PPP1R9A: variants seen among roughly 807,000 people sequenced by gnomAD.
PPP1R9A encodes the protein neurabin-1.
A neutral mutation model predicts 141.9 loss-of-function variants in PPP1R9A; 59 were observed. The observed-to-expected ratio is 0.42, with a 90% CI of 0.34 to 0.52. The LOEUF (loss-of-function observed/expected upper bound fraction) is 0.52. Ranked by LOEUF, PPP1R9A falls within the 20% of genes least tolerant of loss-of-function variation. The pLI is 0.10. For synonymous variants in PPP1R9A, 500 were observed against 569.7 expected (o/e 0.88, Z 1.74); for missense variants, 1,444 against 1,611.9 (o/e 0.90, Z 1.78).
chr7:95,290,212 T>C lies in PPP1R9A; in HGVS notation c.4034T>C (p.Leu1345Pro). The change falls in exon 20 of 20, where the codon CTA becomes CCA. Residue 1345 changes from leucine to proline, a missense_variant. Coordinates refer to ENST00000433360, the MANE Select transcript of PPP1R9A (RefSeq NM_001166160.2). The part of the protein sequence containing the change: ...QEKMEKQREK[L>P]RRKEQEQMQR... Reference sequence around the variant, plus strand: ...AAAATGGAAAAACAAAGAGAAAAGCTAAGGAGAAAGGAGCAAGAGCAAATG... The same window carrying C: ...AAAATGGAAAAACAAAGAGAAAAGCCAAGGAGAAAGGAGCAAGAGCAAATG... 1.2e-6 allele frequency: 2 copies of C among 1,613,440 alleles called. No individual in the cohort carries two copies. Among genetic ancestry groups the C allele is most frequent in the Non-Finnish European group, 1.7e-6 (2 of 1,179,766 alleles).
At chr7:95,121,552 T>G (rs1280003697) in intron 4 of PPP1R9A, among the ~76,000 whole-genome samples, 1 of 152,126 alleles carries the variant, frequency 6.6e-6, no homozygotes, top group Non-Finnish European at 1.5e-5. Context: ...GGCTCTGATA[T>G]ATCAGGTTGA....
At chr7:95,224,835 C>T (rs934516689) in intron 7 of PPP1R9A, among the ~76,000 whole-genome samples, 11 of 151,920 alleles carry the variant, frequency 7.2e-5, no homozygotes, top group Non-Finnish European at 1.2e-4. Context: ...TTCAGTACAC[C>T]GTTCATGGAA....
intron 4 of PPP1R9A, among the ~76,000 whole-genome samples, chr7:95,135,231 C>T (rs1213767476): frequency 2.6e-5 from 4 of 152,126 alleles, no homozygotes; most frequent in Non-Finnish European, 5.9e-5. Flanking sequence ...TGTATGGTAT[C>T]CTTAAACAGA....
chr7:94,944,855 T>TA (rs1163751879), intron 2 of PPP1R9A, among the ~76,000 whole-genome samples: 3 of 150,930 alleles, frequency 2.0e-5, no homozygotes, highest in South Asian at 2.1e-4. Context: ...TTCCAAGGAT[T>TA]AAAAAAAAAT....
At chr7:95,007,603 T>C (rs1803802527) in intron 2 of PPP1R9A, among the ~76,000 whole-genome samples, 1 of 152,236 alleles carries the variant, frequency 6.6e-6, no homozygotes, top group African/African-American at 2.4e-5. Flanking sequence ...TTATCTTGTA[T>C]TGAAATGGTA....
chr7:95,267,792 A>G (rs1156459812), intron 12 of PPP1R9A, among the ~76,000 whole-genome samples: 1 of 152,206 alleles, frequency 6.6e-6, no homozygotes, highest in Middle Eastern at 3.2e-3. Flanking sequence ...AGAGGCACAT[A>G]CAAATAACTT....
At chr7:94,930,313 T>C (rs1027372719) in intron 2 of PPP1R9A, among the ~76,000 whole-genome samples, 4 of 152,128 alleles carry the variant, frequency 2.6e-5, no homozygotes, top group Admixed American at 6.5e-5. Flanking sequence ...TTAGAAAGAT[T>C]TTAAGAAGCA....
chr7:95,280,288 C>G (rs905587635), intron 16 of PPP1R9A, among the ~76,000 whole-genome samples: 1 of 152,194 alleles, frequency 6.6e-6, no homozygotes, highest in Non-Finnish European at 1.5e-5. Context: ...TACTCCTGGG[C>G]TTAAATTCTG....
At chr7:95,289,179 A>G (rs1425696065) in intron 19 of PPP1R9A, among the ~76,000 whole-genome samples, 5 of 152,046 alleles carry the variant, frequency 3.3e-5, no homozygotes, top group Non-Finnish European at 7.4e-5. Flanking sequence ...CCAAATATGT[A>G]CACACATCTT....
rs896095751 is a variant in PPP1R9A, at chr7:94,944,123, A to G, written c.1395+32615A>G. ...TCAAATCAGGGTAACTGAGATATCC[A>G]TCACGTTATACTTTCATCTTTCCTT... is the stretch of plus-strand genomic sequence containing the variant. On this transcript the variant is annotated intron_variant, in intron 2 of 19. Transcript: ENST00000433360. 2.6e-5 allele frequency among the ~76,000 whole-genome samples: 4 copies of G among 152,154 alleles called. 1 individual carries two copies. The South Asian group carries it at 8.3e-4, about 31-fold the overall frequency.
At chr7:94,976,263 G>A (rs780630208) in intron 2 of PPP1R9A, among the ~76,000 whole-genome samples, 8 of 151,714 alleles carry the variant, frequency 5.3e-5, no homozygotes, top group Non-Finnish European at 8.8e-5. Context: ...AAATTATTAC[G>A]GCATTGTTTA....
chr7:95,192,123 C>T (rs1339091302), intron 5 of PPP1R9A, among the ~76,000 whole-genome samples: 2 of 151,928 alleles, frequency 1.3e-5, no homozygotes, highest in African/African-American at 4.8e-5. Context: ...AAGATTTTAT[C>T]CTTTTCCTAT....
At chr7:94,992,002 A>G (rs1801574688) in intron 2 of PPP1R9A, among the ~76,000 whole-genome samples, 2 of 152,216 alleles carry the variant, frequency 1.3e-5, no homozygotes, top group Non-Finnish European at 2.9e-5. Context: ...TGCTTTATTG[A>G]GGTATAGTTG....
At chr7:95,143,513 G>A (rs1483890362) in intron 4 of PPP1R9A, among the ~76,000 whole-genome samples, 5 of 152,106 alleles carry the variant, frequency 3.3e-5, no homozygotes, top group Admixed American at 2.0e-4. Flanking sequence ...ATGGTTAGAG[G>A]AACTCTGCTT....
chr7:95,265,532 A>G (rs916747463), intron 12 of PPP1R9A, among the ~76,000 whole-genome samples: 3 of 152,234 alleles, frequency 2.0e-5, no homozygotes, highest in Non-Finnish European at 4.4e-5. Flanking sequence ...CATAAATCTT[A>G]TACACATTTT....
chr7:95,173,268 G>T (rs971142022), intron 5 of PPP1R9A, among the ~76,000 whole-genome samples: 1 of 151,800 alleles, frequency 6.6e-6, no homozygotes, highest in African/African-American at 2.4e-5. Flanking sequence ...AATATACACT[G>T]GGGACTCTAA....
At chr7:95,031,543 G>A (rs1807686409) in intron 2 of PPP1R9A, among the ~76,000 whole-genome samples, 1 of 152,056 alleles carries the variant, frequency 6.6e-6, no homozygotes, top group African/African-American at 2.4e-5. Flanking sequence ...ATCACCTTAG[G>A]TCAGGAGTTC....
chr7:94,916,588 TAACTC>T (rs1413722974), intron 2 of PPP1R9A, among the ~76,000 whole-genome samples: 1 of 152,246 alleles, frequency 6.6e-6, no homozygotes, highest in African/African-American at 2.4e-5. Context: ...TTATTATCCT[TAACTC>T]AAGGCATTTG....
chr7:95,258,976 G>A (rs1260660710), intron 12 of PPP1R9A, among the ~76,000 whole-genome samples: 4 of 152,052 alleles, frequency 2.6e-5, no homozygotes, highest in Non-Finnish European at 5.9e-5. Context: ...ATACCAAAAG[G>A]CATATTCAAA....
Sources: allele counts gnomAD v4.1 joint callset (sites outside exome capture counted in the v4.1 genomes callset), GRCh38; gene constraint gnomAD v4.1.1; transcripts MANE v1.5; gene names NCBI Gene and HGNC (gene_info 2026-07-23, HGNC 2026-07-21).